Variants in HUS1 observed in about 807,000 individuals in gnomAD.
HUS1 encodes checkpoint protein HUS1.
HUS1 carries 31 observed loss-of-function variants against 32.6 expected under a neutral mutation model. The ratio of observed to expected loss-of-function variants is 0.95; its 90% CI spans 0.72 to 1.28. The LOEUF (loss-of-function observed/expected upper bound fraction) is 1.28. Among genes scored for constraint, HUS1 ranks in the 50% most tolerant of loss-of-function variants. HUS1 has a pLI of 0.00. For synonymous variants in HUS1, 123 were observed against 116.6 expected (o/e 1.06, Z -0.36); for missense variants, 340 against 337.7 (o/e 1.01, Z -0.05).
chr7:47,967,889 T>C lies in HUS1; in HGVS notation c.677A>G (p.His226Arg), dbSNP rs776350827. 35 of 1,614,004 alleles carry C rather than the reference T, an allele frequency of 2.2e-5. No homozygotes were observed. The highest frequency in any genetic ancestry group is 3.0e-5 in the Non-Finnish European group (35 of 1,179,900). ...AATATCTATGTGCACTTCAGCCATG[T>C]GTTCCACGTTTCTGTCCTCATGGGT... ...ESTHEDRNVEHMAEVHIDIRK... is the reference protein window; with the variant it reads ...ESTHEDRNVERMAEVHIDIRK... The change falls in exon 7 of 8, where the codon CAC (histidine) becomes CGC (arginine). Residue 226 changes from histidine to arginine, a missense_variant. Transcript: ENST00000258774.
Position 47,979,578 on chromosome 7 carries a change from T to C in HUS1, c.-59A>G, listed in dbSNP as rs1788785827. Reference sequence around the variant, plus strand: ...TGGGTAACAGAAAAGCGTCGCGCCCTGAGTGTCCCCGCCCGGAAACACGGC... The same window carrying C: ...TGGGTAACAGAAAAGCGTCGCGCCCCGAGTGTCCCCGCCCGGAAACACGGC... On this transcript the variant is annotated 5_prime_UTR_variant, in exon 1 of 8. Transcript: ENST00000258774. 7.4e-7 allele frequency: 1 copy of C among 1,349,518 alleles called. No homozygotes were observed. The allele number at this position is 1,349,518 out of a possible 1,614,324, so 83.6% of individuals were successfully genotyped here. A position where few individuals can be genotyped will look rare whatever the true frequency, so the allele number is the denominator to read the frequency against.
At chr7:47,973,743 GTTTT>G (rs1241594461) in intron 5 of HUS1, among the ~76,000 whole-genome samples, 3 of 152,148 alleles carry the variant, frequency 2.0e-5, no homozygotes, top group East Asian at 3.9e-4. Flanking sequence ...ATATTTCTAT[GTTTT>G]TTTAAACTCC....
At position 47,965,446 on chromosome 7, in the gene HUS1, G is replaced by C; in HGVS notation, c.761-8C>G. 3 of 1,604,744 alleles carry C rather than the reference G, an allele frequency of 1.9e-6. No homozygotes were observed. Among genetic ancestry groups the C allele is most frequent in the Non-Finnish European group, 2.6e-6 (3 of 1,171,498 alleles). ...TCTTGTTATTCACAATATCTGGGAAGAGAAAAGCCATGATTTTAGAGACCT... is the reference window on the plus strand; with the variant it reads ...TCTTGTTATTCACAATATCTGGGAACAGAAAAGCCATGATTTTAGAGACCT... On this transcript the variant is annotated splice_polypyrimidine_tract_variant and splice_region_variant and intron_variant, in intron 7 of 7. Transcript: ENST00000258774.
intron 7 of HUS1, among the ~76,000 whole-genome samples, chr7:47,967,277 G>A (rs1339318146): frequency 1.3e-5 from 2 of 152,220 alleles, no homozygotes; most frequent in Admixed American, 6.5e-5. Context: ...TGGAGCAGGT[G>A]TGTGACCTCA....
At chr7:47,966,288 G>A (rs1345911719) in intron 7 of HUS1, among the ~76,000 whole-genome samples, 1 of 152,180 alleles carries the variant, frequency 6.6e-6, no homozygotes, top group African/African-American at 2.4e-5. Context: ...AAGAAGGTAT[G>A]AGAAGTTCAA....
At chr7:47,971,581 G>A (rs1005976522) in intron 5 of HUS1, 11 of 455,788 alleles carry the variant, frequency 2.4e-5, no homozygotes, top group Middle Eastern at 3.2e-4. Flanking sequence ...GTCCACTCCC[G>A]CACCTACAAT....
intron 3 of HUS1, chr7:47,978,160 C>T: frequency 1.3e-5 from 5 of 383,806 alleles, no homozygotes; most frequent in South Asian, 5.0e-5. Context: ...GTGACAATAC[C>T]ACTACAAGAA....
chr7:47,976,656 T>A, intron 4 of HUS1, 74 bp downstream of exon 4: 1 of 848,112 alleles, frequency 1.2e-6, no homozygotes, highest in Non-Finnish European at 2.0e-6. Flanking sequence ...ACTGCAAGAC[T>A]ACAACTAAAA....
At chr7:47,969,345 T>C in intron 5 of HUS1, 27 bp from the exon 6 acceptor site, 1 of 1,329,986 alleles carries the variant, frequency 7.5e-7, no homozygotes, top group Non-Finnish European at 1.1e-6. Context: ...TTACATAGTC[T>C]TAGAAAAGGA....
chr7:47,971,486 CAACCAATCAGTTCTTTT>C, intron 5 of HUS1: 2 of 456,752 alleles, frequency 4.4e-6, no homozygotes, highest in South Asian at 3.1e-5. Flanking sequence ...CCCACCCCAA[CAACCAATCAGTTCTTTT>C]AATTGGATGG....
In HUS1 at chr7:47,978,827, G is replaced by A. The variant is rs374936929; in HGVS notation, c.53-11C>T. On this transcript the variant is annotated splice_polypyrimidine_tract_variant and intron_variant, in intron 1 of 7. Transcript: ENST00000258774. ...TCATGTTACTGATTCCTAAAGCAGG[G>A]GTTAAAATAAGGAATTACTAAAATG... The A allele has an allele frequency of 1.2e-5, 19 of 1,612,074 alleles. No individual in the cohort carries two copies. Among genetic ancestry groups the A allele is most frequent in the East Asian group, 6.7e-5 (3 of 44,846 alleles).
chr7:47,973,757 CAA>C (rs561998077), intron 5 of HUS1, among the ~76,000 whole-genome samples: 41 of 152,110 alleles, frequency 2.7e-4, no homozygotes, highest in Admixed American at 2.4e-3. Context: ...TTTTAAACTC[CAA>C]AAAAGAGAAA....
chr7:47,967,905 C>T lies in HUS1; in HGVS notation c.661G>A (p.Asp221Asn). Residue 221 changes from aspartate (D) to asparagine (N), a missense_variant, in exon 7 of 8, where the codon GAC (aspartate) becomes AAC (asparagine). Physicochemically the swap from Asp to Asn is conservative, Grantham distance 23. Transcript: ENST00000258774. Reference protein sequence around the residue: ...PPLASESTHEDRNVEHMAEVH... With the variant: ...PPLASESTHENRNVEHMAEVH... ...TCAGCCATGTGTTCCACGTTTCTGT[C>T]CTCATGGGTGCTTTCAGAGGCTAAA... 6.2e-7 allele frequency: 1 copy of T among 1,612,994 alleles called. No individual in the cohort carries two copies. Among genetic ancestry groups the T allele is most frequent in the East Asian group, 2.2e-5 (1 of 44,870 alleles).
chr7:47,979,521 G>A lies in HUS1; in HGVS notation c.-2C>T, dbSNP rs1202799738. ...CACGATCTTGGCCCGAAACTTCATGGCCGCGGATGGCGCAGCCGCGGCGGG... is the reference window on the plus strand; with the variant it reads ...CACGATCTTGGCCCGAAACTTCATGACCGCGGATGGCGCAGCCGCGGCGGG... On this transcript the variant is annotated 5_prime_UTR_variant, in exon 1 of 8. Coordinates refer to ENST00000258774, the MANE Select transcript of HUS1 (RefSeq NM_004507.4). The A allele has an allele frequency of 8.1e-6, 13 of 1,609,038 alleles. No homozygotes were observed. The highest frequency in any genetic ancestry group is 1.7e-4 in the Middle Eastern group (1 of 6,060).
chr7:47,970,342 C>T (rs929249965), intron 5 of HUS1, among the ~76,000 whole-genome samples: 3 of 150,612 alleles, frequency 2.0e-5, no homozygotes, highest in Non-Finnish European at 4.4e-5. Flanking sequence ...AGAGCACGCA[C>T]ATAAAACACA....
rs1198340114 is a variant in HUS1 at position 47,964,806 on chromosome 7, A to G, written c.*550T>C. On this transcript the variant is annotated 3_prime_UTR_variant, in exon 8 of 8. Transcript: ENST00000258774. ...TGGGCTTGAGTCCTCAGCAAGAGAG[A>G]GACTCCAAATGCTGCAGCTGTGACA... 6.5e-6 allele frequency: 1 copy of G among 152,812 alleles called. No homozygotes were observed. Among genetic ancestry groups the G allele is most frequent in the Non-Finnish European group, 1.5e-5 (1 of 68,482 alleles). 9.5% of individuals were successfully genotyped at this position (152,812 alleles called of 1,614,324 possible).
chr7:47,965,788 G>C (rs1219365613), intron 7 of HUS1, among the ~76,000 whole-genome samples: 1 of 152,194 alleles, frequency 6.6e-6, no homozygotes, highest in Non-Finnish European at 1.5e-5. Flanking sequence ...GCTGAGAAGA[G>C]CCAAGAGCCA....
At chr7:47,970,250 AAAAAGAGAAATGAACAAT>A (rs1466688926) in intron 5 of HUS1, among the ~76,000 whole-genome samples, 1 of 149,798 alleles carries the variant, frequency 6.7e-6, no homozygotes, top group Non-Finnish European at 1.5e-5. Context: ...AAAAAAAAAA[AAAAAGAGAAATGAACAAT>A]AATAGACGCT....
Position 47,965,162 on chromosome 7 carries a change from G to A in HUS1, c.*194C>T. ...TAAAAACAAAGCAAAACAGACATGA[G>A]CAACATGAAGTGATATGTTTATCCA... On this transcript the variant is annotated 3_prime_UTR_variant, in exon 8 of 8. Coordinates refer to ENST00000258774, the MANE Select transcript of HUS1 (RefSeq NM_004507.4). 6.5e-6 allele frequency: 3 copies of A among 464,226 alleles called. No individual in the cohort carries two copies. Among genetic ancestry groups the A allele is most frequent in the East Asian group, 3.2e-5 (1 of 31,336 alleles). 28.8% of individuals were successfully genotyped at this position (464,226 alleles called of 1,614,324 possible).
Sources: gnomAD v4.1 joint callset for allele counts (sites outside exome capture counted in the v4.1 genomes callset) on GRCh38, gnomAD v4.1.1 for gene constraint, MANE v1.5 for transcripts, NCBI Gene and HGNC (gene_info 2026-07-23, HGNC 2026-07-21) for gene names.